Variants in TBC1D22A observed in about 807,000 individuals in gnomAD.
TBC1D22A encodes TBC1 domain family member 22A.
TBC1D22A carries 38 observed loss-of-function variants against 60.2 expected under a neutral mutation model. The ratio of observed to expected loss-of-function variants is 0.63; its 90% CI spans 0.49 to 0.83. The LOEUF (loss-of-function observed/expected upper bound fraction) is 0.83. Among genes scored for constraint, TBC1D22A ranks in the 40% least tolerant of loss-of-function variants. The pLI is 0.00. For missense variants in TBC1D22A, 628 were observed against 701.0 expected, an observed-to-expected ratio of 0.90 and a Z score of 1.18; for synonymous variants, 302 against 281.7, an observed-to-expected ratio of 1.07 and a Z score of -0.72.
intron 8 of TBC1D22A, among the ~76,000 whole-genome samples, chr22:46,946,141 C>T (rs900959481): frequency 9.8e-5 from 15 of 152,286 alleles, no homozygotes; most frequent in South Asian, 2.1e-4. Flanking sequence ...CAGCTTCCTC[C>T]GTGTAGGTTC....
intron 5 of TBC1D22A, among the ~76,000 whole-genome samples, chr22:46,885,228 G>C (rs1411434306): frequency 6.6e-6 from 1 of 152,170 alleles, no homozygotes; most frequent in African/African-American, 2.4e-5. Flanking sequence ...GTGGCTCTTA[G>C]CATGCGGATT....
intron 12 of TBC1D22A, among the ~76,000 whole-genome samples, chr22:47,162,228 G>C (rs865807463): frequency 6.9e-6 from 1 of 145,812 alleles, no homozygotes; most frequent in Non-Finnish European, 1.5e-5. Flanking sequence ...AAGGTTTTGT[G>C]TATTGAACTT....
At chr22:47,036,777 C>T (rs985239320) in intron 10 of TBC1D22A, among the ~76,000 whole-genome samples, 7 of 152,164 alleles carry the variant, frequency 4.6e-5, no homozygotes, top group Admixed American at 6.5e-5. Context: ...GTGTGGGTGT[C>T]GACTCAAGCC....
chr22:47,171,235 T>G (rs1304633298), intron 12 of TBC1D22A, among the ~76,000 whole-genome samples: 1 of 152,214 alleles, frequency 6.6e-6, no homozygotes, highest in Non-Finnish European at 1.5e-5. Context: ...TCCATGCCAG[T>G]CTTGCTGGGC....
intron 11 of TBC1D22A, among the ~76,000 whole-genome samples, chr22:47,091,973 G>C (rs1235036662): frequency 6.6e-6 from 1 of 152,170 alleles, no homozygotes; most frequent in African/African-American, 2.4e-5. Flanking sequence ...ACTGGAAAGC[G>C]TGTACTCGTG....
intron 12 of TBC1D22A, among the ~76,000 whole-genome samples, chr22:47,159,400 C>T (rs534044235): frequency 6.6e-6 from 1 of 151,230 alleles, no homozygotes; most frequent in South Asian, 2.1e-4. Flanking sequence ...ACACACCACA[C>T]TCTCACCATG....
intron 8 of TBC1D22A, among the ~76,000 whole-genome samples, chr22:46,944,451 T>G (rs1054030216): frequency 5.3e-5 from 8 of 152,192 alleles, no homozygotes; most frequent in Admixed American, 4.6e-4. Context: ...CAGGCTGGAG[T>G]GCAGTGGCGC....
At chr22:46,976,249 A>G (rs758504400) in intron 9 of TBC1D22A, among the ~76,000 whole-genome samples, 29 of 152,130 alleles carry the variant, frequency 1.9e-4, no homozygotes, top group Non-Finnish European at 3.5e-4. Context: ...GTCTGATGCA[A>G]TGGTTTATTG....
At chr22:46,841,926 G>A (rs889851895) in intron 4 of TBC1D22A, among the ~76,000 whole-genome samples, 4 of 152,186 alleles carry the variant, frequency 2.6e-5, no homozygotes, top group African/African-American at 9.7e-5. Context: ...CAATGTCTAC[G>A]TAAATCTGAA....
intron 9 of TBC1D22A, among the ~76,000 whole-genome samples, chr22:46,991,123 C>T (rs1602855123): frequency 6.6e-6 from 1 of 152,244 alleles, no homozygotes; most frequent in South Asian, 2.1e-4. Context: ...ACCGCCTGTG[C>T]CCTTGTGATG....
At chr22:47,099,570 C>G (rs560608111) in intron 11 of TBC1D22A, among the ~76,000 whole-genome samples, 2 of 151,998 alleles carry the variant, frequency 1.3e-5, no homozygotes, top group African/African-American at 2.4e-5. Context: ...CTCAGCCTCC[C>G]GAGTAGCTGG....
intron 4 of TBC1D22A, among the ~76,000 whole-genome samples, chr22:46,800,385 T>C (rs2084844972): frequency 6.6e-6 from 1 of 151,192 alleles, no homozygotes; most frequent in Admixed American, 6.6e-5. Flanking sequence ...CTTACGGGAG[T>C]CTAGTCTTGT....
intron 4 of TBC1D22A, among the ~76,000 whole-genome samples, chr22:46,845,788 A>G (rs1213000501): frequency 3.9e-5 from 6 of 152,224 alleles, no homozygotes; most frequent in Non-Finnish European, 1.5e-5. Context: ...AGGCTCTTTT[A>G]TTTGAAAGTG....
intron 12 of TBC1D22A, among the ~76,000 whole-genome samples, chr22:47,159,209 C>T (rs1271640728): frequency 6.6e-6 from 1 of 151,310 alleles, no homozygotes; most frequent in African/African-American, 2.4e-5. Context: ...ACACACCATA[C>T]ACCATGTATG....
At chr22:46,773,847 A>T in intron 1 of TBC1D22A, 1 of 798,274 alleles carries the variant, frequency 1.3e-6, no homozygotes, top group Non-Finnish European at 1.5e-6. Flanking sequence ...TCCCTATTTT[A>T]CAAATGAGGA....
chr22:46,777,214 C>T lies in TBC1D22A; in HGVS notation c.62+14366C>T, dbSNP rs542257557. ...GTCAGAATGAGAGAAAATGGAGCCC[C>T]GATTTAAGTTAGTGGGACAGAGGGT... On this transcript the variant is annotated intron_variant, in intron 1 of 12. Transcript: ENST00000337137. This position sits in a 1 kb window ranked among gnomAD's most constrained non-coding sequence, Gnocchi z 4.5. Among the ~76,000 whole-genome samples, 250 of 151,546 alleles carry T rather than the reference C, an allele frequency of 1.6e-3. 2 individuals are homozygous for T. Among genetic ancestry groups the T allele is most frequent in the African/African-American group, 5.6e-3 (231 of 41,332 alleles).
At chr22:46,974,885 A>G (rs891711237) in intron 9 of TBC1D22A, among the ~76,000 whole-genome samples, 3 of 152,318 alleles carry the variant, frequency 2.0e-5, no homozygotes, top group Admixed American at 2.0e-4. Flanking sequence ...GAGCAACACG[A>G]GCTGGTGGGA....
chr22:46,844,472 C>G (rs73468765), intron 4 of TBC1D22A, among the ~76,000 whole-genome samples: 6,065 of 152,246 alleles, frequency 0.04, 411 homozygotes, highest in African/African-American at 0.14. Flanking sequence ...CAGCATAAAG[C>G]TAGTGACTGA....
In TBC1D22A at chr22:47,052,956, A is replaced by G. The variant is rs569016814; in HGVS notation, c.1329+15758A>G. On this transcript the variant is annotated intron_variant, in intron 11 of 12. Coordinates refer to ENST00000337137, the MANE Select transcript of TBC1D22A (RefSeq NM_014346.5). ...TAAACCTGGATGCCACGCAGCTGTG[A>G]CATGCTGGGCTGCTGGCTGGGCCTC... Among the ~76,000 whole-genome samples, 127 of 152,294 alleles carry G rather than the reference A, an allele frequency of 8.3e-4. 2 individuals carry two copies. In the South Asian group the frequency reaches 0.025, roughly 30 times the overall value.
Sources: gnomAD v4.1 joint callset for allele counts (sites outside exome capture counted in the v4.1 genomes callset) on GRCh38, gnomAD v4.1.1 for gene constraint, Gnocchi (gnomAD v3.1) non-coding constraint, MANE v1.5 for transcripts, NCBI Gene and HGNC (gene_info 2026-07-23, HGNC 2026-07-21) for gene names.